Variants in GRK5 observed in about 807,000 individuals in gnomAD.
GRK5 encodes G protein-coupled receptor kinase 5.
In GRK5, 40 loss-of-function variants were observed where a neutral mutation model predicts 78.4. The ratio of observed to expected loss-of-function variants is 0.51; its 90% CI spans 0.40 to 0.66. The LOEUF is 0.66. Ranked by LOEUF, GRK5 falls within the 30% of genes least tolerant of loss-of-function variation. GRK5 has a pLI of 0.00. For synonymous variants in GRK5, 289 were observed against 296.8 expected (o/e 0.97, Z 0.27); for missense variants, 598 against 759.9 (o/e 0.79, Z 2.50).
intron 1 of GRK5, among the ~76,000 whole-genome samples, chr10:119,304,054 T>TGTG (rs1850230771): frequency 6.6e-6 from 1 of 151,810 alleles, no homozygotes; most frequent in Admixed American, 6.6e-5. Flanking sequence ...AGGCGGAGGG[T>TGTG]GTGGTGTTAC....
intron 1 of GRK5, among the ~76,000 whole-genome samples, chr10:119,287,022 A>G (rs1454367342): frequency 6.6e-6 from 1 of 151,794 alleles, no homozygotes; most frequent in Non-Finnish European, 1.5e-5. Context: ...GCACATGCTC[A>G]ATAAATTTAT....
At chr10:119,420,353 C>CA (rs71480796) in intron 4 of GRK5, among the ~76,000 whole-genome samples, 132 of 25,916 alleles carry the variant, frequency 5.1e-3, no homozygotes, top group African/African-American at 0.011. Context: ...AACAAACAAA[C>CA]AAAAAAAAAA....
Position 119,422,379 on chromosome 10 carries a change from C to T in GRK5, c.340-787C>T, listed in dbSNP as rs904709435. On this transcript the variant is annotated intron_variant, in intron 4 of 15. Coordinates refer to ENST00000392870, the MANE Select transcript of GRK5 (RefSeq NM_005308.3). ...GACATTTATTACGTGCTTGCTACTA[C>T]TGCCAGATCTGGGCCAAATGCCTTA... 4.6e-5 allele frequency among the ~76,000 whole-genome samples: 7 copies of T among 152,362 alleles called. No homozygotes were observed. In the South Asian group the frequency reaches 1.5e-3, roughly 32 times the overall value.
intron 4 of GRK5, among the ~76,000 whole-genome samples, chr10:119,420,277 A>G (rs1227412003): frequency 1.3e-5 from 2 of 151,298 alleles, no homozygotes; most frequent in Non-Finnish European, 2.9e-5. Context: ...AGTTATTTTT[A>G]TAGGTTTTAA....
At position 119,293,445 on chromosome 10, in the gene GRK5, G is replaced by GGGGTATACA. The variant is rs566419342; in HGVS notation, c.53-33069_53-33061dup. 6.1e-3 allele frequency among the ~76,000 whole-genome samples: 930 copies of GGGGTATACA among 152,324 alleles called. 2 individuals are homozygous for GGGGTATACA. Among genetic ancestry groups the GGGGTATACA allele is most frequent in the Non-Finnish European group, 0.01 (711 of 68,020 alleles). ...TTGAATACAATTGAGGAGCAGAGAT[G>GGGGTATACA]GGGTATACAGCAAGCACTCTGTGTA... On this transcript the variant is annotated intron_variant, in intron 1 of 15. Coordinates refer to ENST00000392870, the MANE Select transcript of GRK5 (RefSeq NM_005308.3).
intron 2 of GRK5, among the ~76,000 whole-genome samples, chr10:119,353,056 C>G (rs937494078): frequency 6.6e-6 from 1 of 152,186 alleles, no homozygotes; most frequent in Admixed American, 6.5e-5. Flanking sequence ...ATCAGTGGAG[C>G]CTTCTGGGTT....
At chr10:119,214,411 A>G (rs1046736123) in intron 1 of GRK5, among the ~76,000 whole-genome samples, 3 of 152,206 alleles carry the variant, frequency 2.0e-5, no homozygotes, top group African/African-American at 7.2e-5. Flanking sequence ...GAATTTGGAC[A>G]ATGGCCTGAG....
At chr10:119,440,301 GGCTGTGGACACTGAATAA>G (rs1853006711) in intron 10 of GRK5, among the ~76,000 whole-genome samples, 1 of 152,000 alleles carries the variant, frequency 6.6e-6, no homozygotes, top group African/African-American at 2.4e-5. Context: ...ATTTTCTCTT[GGCTGTGGACACTGAATAA>G]TAAGAACAAC....
At chr10:119,236,625 C>T (rs1848936871) in intron 1 of GRK5, among the ~76,000 whole-genome samples, 1 of 151,872 alleles carries the variant, frequency 6.6e-6, no homozygotes, top group Non-Finnish European at 1.5e-5. Context: ...TGTGTAGCAG[C>T]ATTTGTCTGC....
At chr10:119,362,465 A>G (rs1851381349) in intron 2 of GRK5, among the ~76,000 whole-genome samples, 1 of 152,262 alleles carries the variant, frequency 6.6e-6, no homozygotes, top group African/African-American at 2.4e-5. Flanking sequence ...TGTTTGTTTT[A>G]TGTAATAGAC....
chr10:119,432,667 A>G (rs1279882157), intron 8 of GRK5, among the ~76,000 whole-genome samples: 1 of 152,058 alleles, frequency 6.6e-6, no homozygotes, highest in Non-Finnish European at 1.5e-5. Context: ...CTTTTTCTCC[A>G]TCCAGACCTC....
chr10:119,380,985 G>T, intron 3 of GRK5, 58 bp downstream of exon 3: 1 of 1,122,026 alleles, frequency 8.9e-7, no homozygotes, highest in South Asian at 1.3e-5. Context: ...TGATTGTTTT[G>T]GCTCAAAGGA....
rs1295087109 is a variant in GRK5, at chr10:119,455,889, G to A, written c.*822G>A. The A allele has an allele frequency of 6.5e-6, 1 of 154,254 alleles. No homozygotes were observed. Among genetic ancestry groups the A allele is most frequent in the Non-Finnish European group, 1.4e-5 (1 of 69,736 alleles). The allele number at this position is 154,254 out of a possible 1,614,324, so 9.6% of individuals were successfully genotyped here. ...GAAGGCGGCTGGCACGCGGATCTAGGTGTTTGCAGCCTGGTGGGCGATGGG... is the reference window on the plus strand; with the variant it reads ...GAAGGCGGCTGGCACGCGGATCTAGATGTTTGCAGCCTGGTGGGCGATGGG... On this transcript the variant is annotated 3_prime_UTR_variant, in exon 16 of 16. Transcript: ENST00000392870.
At chr10:119,258,474 G>C (rs1374047629) in intron 1 of GRK5, among the ~76,000 whole-genome samples, 2 of 152,220 alleles carry the variant, frequency 1.3e-5, no homozygotes, top group African/African-American at 2.4e-5. Flanking sequence ...CACATGGTAG[G>C]TGTATGTTTA....
At chr10:119,236,767 G>A (rs1479691210) in intron 1 of GRK5, among the ~76,000 whole-genome samples, 1 of 152,088 alleles carries the variant, frequency 6.6e-6, no homozygotes, top group East Asian at 1.9e-4. Context: ...AGCCTCACAA[G>A]TAGCTGGGCA....
At chr10:119,227,907 C>G (rs529364626) in intron 1 of GRK5, among the ~76,000 whole-genome samples, 1 of 152,064 alleles carries the variant, frequency 6.6e-6, no homozygotes, top group African/African-American at 2.4e-5. Flanking sequence ...ATATAGACAT[C>G]AAAAGCCTTA....
At chr10:119,422,921 A>G (rs544660012) in intron 4 of GRK5, among the ~76,000 whole-genome samples, 42 of 152,350 alleles carry the variant, frequency 2.8e-4, no homozygotes, top group African/African-American at 8.9e-4. Context: ...CAGAAGTCTC[A>G]TCCTGAACCT....
intron 3 of GRK5, among the ~76,000 whole-genome samples, chr10:119,395,590 T>C (rs892489248): frequency 2.0e-5 from 3 of 152,210 alleles, no homozygotes; most frequent in African/African-American, 4.8e-5. Flanking sequence ...CAATTAGCTC[T>C]TTTGTCTAAA....
At chr10:119,444,986 T>G (rs1853115002) in intron 12 of GRK5, among the ~76,000 whole-genome samples, 1 of 152,198 alleles carries the variant, frequency 6.6e-6, no homozygotes, top group Non-Finnish European at 1.5e-5. Context: ...GCCCCTCTCC[T>G]GCAGCCAGAC....
Sources: gnomAD v4.1 joint callset for allele counts (sites outside exome capture counted in the v4.1 genomes callset) on GRCh38, gnomAD v4.1.1 for gene constraint, MANE v1.5 for transcripts, NCBI Gene and HGNC (gene_info 2026-07-23, HGNC 2026-07-21) for gene names.